Variants in ANKRD17 observed in about 807,000 individuals in gnomAD.
ANKRD17 encodes the protein ankyrin repeat domain 17.
ANKRD17 carries 19 observed loss-of-function variants against 229.7 expected under a neutral mutation model. That is an observed-to-expected ratio of 0.08 (90% CI 0.06 to 0.12). The LOEUF (loss-of-function observed/expected upper bound fraction) is 0.12. Ranked by LOEUF, ANKRD17 falls within the 10% of genes least tolerant of loss-of-function variation. The probability of loss-of-function intolerance (pLI) is 1.00; values close to 1 mark genes in which losing one functional copy is unlikely to be tolerated. For synonymous variants in ANKRD17, 1,112 were observed against 1,146.1 expected (o/e 0.97, Z 0.60); for missense variants, 2,176 against 3,176.8 (o/e 0.68, Z 7.57).
At chr4:73,076,387 G>T in intron 33 of ANKRD17, 97 bp from the exon 34 acceptor site, 1 of 883,760 alleles carries the variant, frequency 1.1e-6, no homozygotes. Context: ...TCTTCAATTT[G>T]CAATATACTA....
intron 1 of ANKRD17, among the ~76,000 whole-genome samples, chr4:73,227,379 C>T (rs1742618608): frequency 2.0e-5 from 3 of 152,048 alleles, no homozygotes. Flanking sequence ...CTCTCGAACT[C>T]CTGACCTCAA....
chr4:73,133,737 A>G (rs1215624754), intron 16 of ANKRD17, among the ~76,000 whole-genome samples: 2 of 151,420 alleles, frequency 1.3e-5, no homozygotes, highest in African/African-American at 2.4e-5. Flanking sequence ...GGTAGTTAAG[A>G]GTGTCTTTGG....
In ANKRD17 at chr4:73,150,135, T is replaced by C. The variant is rs968436338; in HGVS notation, c.1330-1085A>G. Among the ~76,000 whole-genome samples the C allele has an allele frequency of 2.0e-5, 3 of 152,232 alleles. No individual in the cohort carries two copies. In the East Asian group the frequency reaches 5.8e-4, roughly 29 times the overall value. ...TGTAGAGAAGACTCTAATGTCTTAT[T>C]AGTTTGATTACTTTGCTATTTCTTC... On this transcript the variant is annotated intron_variant, in intron 7 of 33. Coordinates refer to ENST00000358602, the MANE Select transcript of ANKRD17 (RefSeq NM_032217.5).
In ANKRD17 at chr4:73,125,317, A is replaced by G. The variant is rs780273883; in HGVS notation, c.3235-5T>C. 23 of 1,573,994 alleles carry G rather than the reference A, an allele frequency of 1.5e-5. No homozygotes were observed. Among genetic ancestry groups the G allele is most frequent in the Non-Finnish European group, 2.0e-5 (23 of 1,160,694 alleles). ...CGTGTCATGATTACTCTCAGTCTAT[A>G]AGAAATTATTTTTTGGTTAGTTTAT... is the stretch of plus-strand genomic sequence containing the variant. On this transcript the variant is annotated splice_region_variant and splice_polypyrimidine_tract_variant and intron_variant, in intron 16 of 33. Coordinates refer to ENST00000358602, the MANE Select transcript of ANKRD17 (RefSeq NM_032217.5).
intron 1 of ANKRD17, among the ~76,000 whole-genome samples, chr4:73,214,770 G>A (rs1740778189): frequency 6.7e-6 from 1 of 148,668 alleles, no homozygotes; most frequent in Admixed American, 6.8e-5. Flanking sequence ...TTAGGAGCCT[G>A]AGACTCCTAA....
Position 73,159,133 on chromosome 4 carries a change from C to A in ANKRD17, c.704+2059G>T, listed in dbSNP as rs150154774. ...TGTCCCCTTACCAAAGTGAAAGTCTCGACCAGTACTAAATAAATTTGTCTT... is the reference window on the plus strand; with the variant it reads ...TGTCCCCTTACCAAAGTGAAAGTCTAGACCAGTACTAAATAAATTTGTCTT... On this transcript the variant is annotated intron_variant, in intron 3 of 33. Transcript: ENST00000358602. 1.3e-3 allele frequency among the ~76,000 whole-genome samples: 198 copies of A among 152,260 alleles called. 1 individual carries two copies. The East Asian group carries it at 0.029, about 23-fold the overall frequency.
At chr4:73,186,079 G>C (rs1736256807) in intron 1 of ANKRD17, among the ~76,000 whole-genome samples, 1 of 151,860 alleles carries the variant, frequency 6.6e-6, no homozygotes, top group Non-Finnish European at 1.5e-5. Flanking sequence ...TAAGAAATAA[G>C]AAGTATTCAT....
chr4:73,151,898 C>T (rs1326529002), intron 6 of ANKRD17, among the ~76,000 whole-genome samples: 9 of 152,108 alleles, frequency 5.9e-5, no homozygotes, highest in Non-Finnish European at 4.4e-5. Flanking sequence ...AGATAATGAT[C>T]AGTCAAGTTA....
In ANKRD17 at chr4:73,139,713, G is replaced by A. The variant is rs759348299; in HGVS notation, c.2903C>T (p.Pro968Leu). The change falls in exon 15 of 34, where the codon CCC (proline) becomes CTC (leucine). Residue 968 changes from proline to leucine, a missense_variant. Physicochemically the swap from Pro to Leu is moderately conservative, Grantham distance 98. Around this residue, in one of 18 missense-constraint regions of ANKRD17, gnomAD observed 230 missense variants for 252.3 expected, o/e 0.91. Coordinates refer to ENST00000358602, the MANE Select transcript of ANKRD17 (RefSeq NM_032217.5). ...MPQALPLAAGPLPPGSIANLT... is the reference protein window; with the variant it reads ...MPQALPLAAGLLPPGSIANLT... ...ATTTGCGATGGACCCTGGAGGCAAG[G>A]GACCTGCCGCCAGAGGCAAAGCTTG... 2 of 1,614,144 alleles carry A rather than the reference G, an allele frequency of 1.2e-6. No homozygotes were observed. The highest frequency in any genetic ancestry group is 8.5e-7 in the Non-Finnish European group (1 of 1,180,028).
chr4:73,245,363 A>C (rs970789974), intron 1 of ANKRD17, among the ~76,000 whole-genome samples: 1 of 152,226 alleles, frequency 6.6e-6, no homozygotes, highest in Non-Finnish European at 1.5e-5. Context: ...ACTTTAAGCC[A>C]GGGTGATCAT....
chr4:73,241,671 A>T (rs1287787536), intron 1 of ANKRD17, among the ~76,000 whole-genome samples: 1 of 152,156 alleles, frequency 6.6e-6, no homozygotes, highest in Non-Finnish European at 1.5e-5. Context: ...ACATAAACTG[A>T]ATCTGTAAAA....
At chr4:73,257,802 T>TC (rs1462020093) in intron 1 of ANKRD17, among the ~76,000 whole-genome samples, 3 of 151,640 alleles carry the variant, frequency 2.0e-5, no homozygotes, top group Non-Finnish European at 4.4e-5. Context: ...CAACCTTACG[T>TC]CCCCCCTCAA....
At chr4:73,153,744 CA>C (rs771383672) in intron 6 of ANKRD17, 135 bp downstream of exon 6, 4 of 559,356 alleles carry the variant, frequency 7.2e-6, no homozygotes, top group Admixed American at 3.9e-5. Flanking sequence ...TGCAACACTG[CA>C]AACACTTATT....
chr4:73,084,451 A>AT (rs35710035), intron 30 of ANKRD17, among the ~76,000 whole-genome samples: 1,520 of 144,902 alleles, frequency 0.01, 31 homozygotes, highest in African/African-American at 0.026. Context: ...TGCAGATGAG[A>AT]TTTTTTTTTT....
In ANKRD17 at chr4:73,141,967, C is replaced by T. The variant is rs1682191407; in HGVS notation, c.2230-124G>A. On this transcript the variant is annotated intron_variant, in intron 13 of 33. Transcript: ENST00000358602. ...TTTAATATGTCATCTTAGACAATGA[C>T]ATATTTACTTAAAATATGTTGGCAC... 4.5e-6 allele frequency: 4 copies of T among 881,530 alleles called. 1 individual carries two copies. In the South Asian group the frequency reaches 8.2e-5, roughly 18 times the overall value. The allele number at this position is 881,530 out of a possible 1,614,324, so 54.6% of individuals were successfully genotyped here.
chr4:73,076,051 G>T lies in ANKRD17; in HGVS notation c.*180C>A. 1 of 477,126 alleles carries T rather than the reference G, an allele frequency of 2.1e-6. No individual in the cohort carries two copies. The highest frequency in any genetic ancestry group is 3.8e-6 in the Non-Finnish European group (1 of 263,596). 29.6% of individuals were successfully genotyped at this position (477,126 alleles called of 1,614,324 possible). A position where few individuals can be genotyped will look rare whatever the true frequency, so the allele number is the denominator to read the frequency against. ...ACTAAGGTAAAACGGATGATGATGGGGAATGGGCAGTCACAAATGTTCACA... is the reference window on the plus strand; with the variant it reads ...ACTAAGGTAAAACGGATGATGATGGTGAATGGGCAGTCACAAATGTTCACA... On this transcript the variant is annotated 3_prime_UTR_variant, in exon 34 of 34. Coordinates refer to ENST00000358602, the MANE Select transcript of ANKRD17 (RefSeq NM_032217.5).
In ANKRD17 at chr4:73,146,765, A is replaced by C. The variant is rs373425482; in HGVS notation, c.1868T>G (p.Leu623Arg). The change falls in exon 10 of 34, where the codon CTG (leucine) becomes CGG (arginine). Residue 623 changes from leucine (L) to arginine (R), a missense_variant and splice_region_variant. By Grantham distance (102) the Leu-to-Arg change is moderately radical. Around this residue, in one of 18 missense-constraint regions of ANKRD17, gnomAD observed 275 missense variants for 386.9 expected, o/e 0.71. Coordinates refer to ENST00000358602, the MANE Select transcript of ANKRD17 (RefSeq NM_032217.5). ...ADVLLQAGADLEHESEGGRTP... is the reference protein window; with the variant it reads ...ADVLLQAGADREHESEGGRTP... ...GATTTAAAAAGTAACATAGCTTACC[A>C]GATCTGCGCCTGCCTGAAGTAAGAC... 1 of 1,594,156 alleles carries C rather than the reference A, an allele frequency of 6.3e-7. No homozygotes were observed. Among genetic ancestry groups the C allele is most frequent in the African/African-American group, 1.3e-5 (1 of 74,598 alleles).
At chr4:73,246,202 T>A (rs909580264) in intron 1 of ANKRD17, among the ~76,000 whole-genome samples, 2 of 152,182 alleles carry the variant, frequency 1.3e-5, no homozygotes, top group Non-Finnish European at 2.9e-5. Context: ...AGAGCAAAGT[T>A]GTCACAACTC....
intron 1 of ANKRD17, among the ~76,000 whole-genome samples, chr4:73,258,004 C>T (rs559180492): frequency 6.8e-6 from 1 of 146,542 alleles, no homozygotes; most frequent in East Asian, 2.1e-4. Flanking sequence ...TAACCAATTC[C>T]CTCCATCCTT....
Sources: allele counts gnomAD v4.1 joint callset (sites outside exome capture counted in the v4.1 genomes callset), GRCh38; gene constraint gnomAD v4.1.1; regional missense constraint gnomAD v4.1.1; transcripts MANE v1.5; gene names NCBI Gene and HGNC (gene_info 2026-07-23, HGNC 2026-07-21).